Variants in POLR3B observed in about 807,000 individuals in gnomAD.
The protein encoded by POLR3B is RNA polymerase III subunit B.
Under a neutral mutation model 147.4 loss-of-function variants are expected in POLR3B, and 96 were observed. The ratio of observed to expected loss-of-function variants is 0.65; its 90% CI spans 0.55 to 0.77. The LOEUF (loss-of-function observed/expected upper bound fraction) is 0.77. Ranked by LOEUF, POLR3B falls within the 30% of genes least tolerant of loss-of-function variation. POLR3B has a pLI of 0.00. For missense variants in POLR3B, 1,036 were observed against 1,413.5 expected (o/e 0.73, Z 4.28); for synonymous variants, 461 against 485.9 (o/e 0.95, Z 0.67).
At chr12:106,434,829 G>A (rs968087268) in intron 16 of POLR3B, among the ~76,000 whole-genome samples, 1 of 152,012 alleles carries the variant, frequency 6.6e-6, no homozygotes, top group Non-Finnish European at 1.5e-5. Flanking sequence ...TTCTTTTGAG[G>A]ACTGCCTGTC....
At chr12:106,463,755 T>C in intron 23 of POLR3B, 135 bp downstream of exon 23, 1 of 749,556 alleles carries the variant, frequency 1.3e-6, no homozygotes, top group South Asian at 1.6e-5. Context: ...AATCTTGTTT[T>C]ATTTCTTAGA....
chr12:106,408,170 G>A (rs779721541), intron 11 of POLR3B, among the ~76,000 whole-genome samples: 20 of 152,192 alleles, frequency 1.3e-4, no homozygotes, highest in African/African-American at 4.6e-4. Context: ...ATGATTAGAC[G>A]TATTACATAA....
intron 12 of POLR3B, among the ~76,000 whole-genome samples, chr12:106,418,513 C>T (rs1450875261): frequency 6.6e-6 from 1 of 152,182 alleles, no homozygotes; most frequent in East Asian, 1.9e-4. Context: ...ATAGCAATCT[C>T]AAGACGCCTA....
rs116652787 is a variant in POLR3B, at chr12:106,378,200, C to T, written c.497-67C>T. 1,303 of 943,090 alleles carry T rather than the reference C, an allele frequency of 1.4e-3. 11 individuals carry two copies. The African/African-American group carries it at 0.019, about 14-fold the overall frequency. The allele number at this position is 943,090 out of a possible 1,614,324, so 58.4% of individuals were successfully genotyped here. On this transcript the variant is annotated intron_variant, in intron 7 of 27. Coordinates refer to ENST00000228347, the MANE Select transcript of POLR3B (RefSeq NM_018082.6). Reference sequence around the variant, plus strand: ...AGGTAATCTCTGATTCACAAGATTCCTGCCATTACTAAATCAACACTGGTT... The same window carrying T: ...AGGTAATCTCTGATTCACAAGATTCTTGCCATTACTAAATCAACACTGGTT...
At chr12:106,477,917 TTTTTG>T (rs2038203977) in intron 23 of POLR3B, among the ~76,000 whole-genome samples, 1 of 137,666 alleles carries the variant, frequency 7.3e-6, no homozygotes, top group South Asian at 2.5e-4. Flanking sequence ...TTTTTTTTTT[TTTTTG>T]GAGACAGAGC....
At chr12:106,364,416 C>T (rs1037966422) in intron 2 of POLR3B, among the ~76,000 whole-genome samples, 7 of 152,194 alleles carry the variant, frequency 4.6e-5, no homozygotes, top group East Asian at 1.9e-4. Flanking sequence ...AGTGAGAGAC[C>T]ACTTGGCACC....
intron 24 of POLR3B, 108 bp downstream of exon 24, chr12:106,496,266 G>A: frequency 1.3e-6 from 1 of 784,940 alleles, no homozygotes; most frequent in Non-Finnish European, 2.3e-6. Context: ...TGTTTTTTCA[G>A]GTAGAGCTCT....
chr12:106,381,455 C>G lies in POLR3B; in HGVS notation c.723+1316C>G, dbSNP rs113873975. Among the ~76,000 whole-genome samples the G allele has an allele frequency of 3.2e-3, 492 of 152,288 alleles. 2 individuals are homozygous for G. Among genetic ancestry groups the G allele is most frequent in the African/African-American group, 0.011 (465 of 41,550 alleles). On this transcript the variant is annotated intron_variant, in intron 9 of 27. Coordinates refer to ENST00000228347, the MANE Select transcript of POLR3B (RefSeq NM_018082.6). ...TTCAACAATGTATACAGCCTCTTCA[C>G]CAGGATTAGATTCCATTTCAAGAAA...
chr12:106,448,613 G>A (rs1157932148), intron 19 of POLR3B, among the ~76,000 whole-genome samples: 1 of 149,344 alleles, frequency 6.7e-6, no homozygotes, highest in Non-Finnish European at 1.5e-5. Context: ...ATTTTTTTTT[G>A]TTTTTTAGTA....
At chr12:106,438,503 T>G (rs899107897) in intron 18 of POLR3B, among the ~76,000 whole-genome samples, 1 of 148,480 alleles carries the variant, frequency 6.7e-6, no homozygotes, top group Non-Finnish European at 1.5e-5. Flanking sequence ...ATATATATGT[T>G]TTTTTTTTTT....
chr12:106,378,483 A>C, intron 8 of POLR3B, 99 bp downstream of exon 8: 1 of 703,904 alleles, frequency 1.4e-6, no homozygotes, highest in Admixed American at 2.3e-5. Context: ...ATTACCCTCT[A>C]AAAGCAGGCA....
chr12:106,418,709 T>C (rs1169182477), intron 12 of POLR3B, among the ~76,000 whole-genome samples: 1 of 152,214 alleles, frequency 6.6e-6, no homozygotes, highest in South Asian at 2.1e-4. Context: ...TACCAAGGTA[T>C]TGAATATTAT....
At chr12:106,385,700 G>C (rs2036826588) in intron 9 of POLR3B, among the ~76,000 whole-genome samples, 1 of 152,214 alleles carries the variant, frequency 6.6e-6, no homozygotes, top group Admixed American at 6.5e-5. Flanking sequence ...GTATTCATAA[G>C]TATTGAATGG....
chr12:106,429,823 C>CT (rs1277353270), intron 13 of POLR3B, among the ~76,000 whole-genome samples: 1 of 152,156 alleles, frequency 6.6e-6, no homozygotes, highest in Non-Finnish European at 1.5e-5. Context: ...GTTCTTAAGA[C>CT]TAACTTTGGA....
chr12:106,361,168 A>G (rs1350786617), intron 1 of POLR3B, among the ~76,000 whole-genome samples: 1 of 152,232 alleles, frequency 6.6e-6, no homozygotes, highest in East Asian at 1.9e-4. Flanking sequence ...AGTGCTGAGC[A>G]TTGAAAGGGA....
intron 8 of POLR3B, among the ~76,000 whole-genome samples, chr12:106,379,047 C>T (rs962500138): frequency 2.0e-5 from 3 of 152,168 alleles, no homozygotes; most frequent in Admixed American, 6.5e-5. Context: ...ACTTTTCTTT[C>T]TGATGGAGAG....
At chr12:106,472,610 C>T (rs1035221381) in intron 23 of POLR3B, among the ~76,000 whole-genome samples, 65 of 150,714 alleles carry the variant, frequency 4.3e-4, no homozygotes, top group African/African-American at 1.5e-3. Context: ...TCTCTGATGG[C>T]CAGTGATGAT....
At chr12:106,489,418 T>C (rs986162298) in intron 23 of POLR3B, among the ~76,000 whole-genome samples, 4 of 152,228 alleles carry the variant, frequency 2.6e-5, no homozygotes, top group Non-Finnish European at 5.9e-5. Context: ...CCCTCTCTTA[T>C]ACAAGAAAAG....
chr12:106,479,610 C>T (rs369647335), intron 23 of POLR3B, among the ~76,000 whole-genome samples: 3 of 152,036 alleles, frequency 2.0e-5, no homozygotes, highest in East Asian at 3.9e-4. Flanking sequence ...GTCTCGATCT[C>T]CTGACCTCGT....
Sources: allele counts gnomAD v4.1 joint callset (sites outside exome capture counted in the v4.1 genomes callset), GRCh38; gene constraint gnomAD v4.1.1; transcripts MANE v1.5; gene names NCBI Gene and HGNC (gene_info 2026-07-23, HGNC 2026-07-21).